Variants in MPO observed in about 807,000 individuals in gnomAD.
MPO encodes myeloperoxidase.
In MPO, 57 loss-of-function variants were observed where a neutral mutation model predicts 69.4. That is an observed-to-expected ratio of 0.82 (90% confidence interval 0.66 to 1.02). The LOEUF is 1.02. MPO is among the 50% of genes least tolerant of loss of function. MPO has a pLI of 0.00. For synonymous variants in MPO, 426 were observed against 417.1 expected (o/e 1.02, Z -0.26); for missense variants, 971 against 1,014.1 (o/e 0.96, Z 0.58).
In MPO at chr17:58,275,118, C is replaced by T. The variant is rs1371466884; in HGVS notation, c.1365+424G>A. The stretch of plus-strand genomic sequence containing the variant: ...GACCTCGTGATCCACCCGCCTCCGC[C>T]TCCCAAAGTGCTGGGATTACAGGCA... On this transcript the variant is annotated intron_variant, in intron 8 of 11. Transcript: ENST00000225275. This position sits in a 1 kb window ranked among gnomAD's most constrained non-coding sequence, Gnocchi z 4.1. Among the ~76,000 whole-genome samples, 8 of 152,164 alleles carry T rather than the reference C, an allele frequency of 5.3e-5. No homozygotes were observed. The highest frequency in any genetic ancestry group is 1.9e-4 in the African/African-American group (8 of 41,448).
chr17:58,272,854 T>C lies in MPO; in HGVS notation c.1686A>G (p.Gln562=), dbSNP rs761101621. ...GCTCCCGGATCTCATCCACTGCAAT[T>C]TGGTTCTGACGATTCAGCTTGGCAG... is the stretch of plus-strand genomic sequence containing the variant. ...ATPAKLNRQN[Q]IAVDEIRERL... is the part of the protein sequence containing the mutation. The change falls in exon 10 of 12, where the codon CAA becomes CAG. Residue 562 remains glutamine (Q), a synonymous_variant. Transcript: ENST00000225275. The C allele has an allele frequency of 6.2e-7, 1 of 1,614,164 alleles. No individual in the cohort carries two copies. The highest frequency in any genetic ancestry group is 8.5e-7 in the Non-Finnish European group (1 of 1,180,030).
Position 58,279,541 on chromosome 17 carries a change from G to T in MPO, c.530C>A (p.Thr177Asn). The change falls in exon 4 of 12, where the codon ACC becomes AAC. Residue 177 changes from threonine (T) to asparagine (N), a missense_variant. Coordinates refer to ENST00000225275, the MANE Select transcript of MPO (RefSeq NM_000250.2). ...GCCGCACCTGTTGTTGCACATCCCG[G>T]TGATGGTGCGGTATTTGTCCTGCTC... ...CPEQDKYRTI[T>N]GMCNNRRSPT... 1.2e-6 allele frequency: 2 copies of T among 1,614,120 alleles called. No individual in the cohort carries two copies. Among genetic ancestry groups the T allele is most frequent in the South Asian group, 2.2e-5 (2 of 91,078 alleles).
intron 6 of MPO, 70 bp downstream of exon 6, chr17:58,278,938 A>G: frequency 6.6e-7 from 1 of 1,510,160 alleles, no homozygotes; most frequent in Non-Finnish European, 8.9e-7. Context: ...TGGGCACAGA[A>G]GGGAGATGGC....
At position 58,279,936 on chromosome 17, in the gene MPO, G is replaced by A. The variant is rs1235984576; in HGVS notation, c.327C>T (p.Thr109=). The A allele has an allele frequency of 6.2e-7, 1 of 1,613,978 alleles. No homozygotes were observed. The highest frequency in any genetic ancestry group is 1.3e-5 in the African/African-American group (1 of 75,036). ...AGTCAGCGGCCCTCACCGCCGTCCT[G>A]GTGGCTGCCACCGGCTGCTTGAAGT... ...LSYFKQPVAA[T]RTAVRAADYL... Residue 109 remains threonine (T), a synonymous_variant, in exon 3 of 12, where the codon ACC becomes ACT. Transcript: ENST00000225275.
In MPO at chr17:58,280,800, C is replaced by T. The variant is rs1284742838; in HGVS notation, c.-42G>A. The T allele has an allele frequency of 1.1e-5, 17 of 1,611,550 alleles. No homozygotes were observed. The Admixed American group carries it at 2.8e-4, about 27-fold the overall frequency. ...TGCTCAATCCCCCTTTGTACCTCAG[C>T]CCCACCTCAGAGGGCCCTGTCTATG... On this transcript the variant is annotated 5_prime_UTR_variant, in exon 1 of 12. Coordinates refer to ENST00000225275, the MANE Select transcript of MPO (RefSeq NM_000250.2).
intron 9 of MPO, 119 bp downstream of exon 9, chr17:58,273,295 C>T (rs1249902116): frequency 3.4e-6 from 5 of 1,491,084 alleles, no homozygotes; most frequent in Admixed American, 3.4e-5. Flanking sequence ...AGAGTCAGAC[C>T]AGATCTCCAA....
intron 11 of MPO, 145 bp downstream of exon 11, chr17:58,271,510 A>T: frequency 1.2e-6 from 1 of 835,352 alleles, no homozygotes; most frequent in Non-Finnish European, 2.0e-6. Flanking sequence ...GGGGCACTCC[A>T]GGGCATCTGG....
rs1451370125 is a variant in MPO at position 58,279,068 on chromosome 17, G to A, written c.825C>T (p.Phe275=). The change falls in exon 6 of 12, where the codon TTC becomes TTT. Residue 275 remains phenylalanine (F), a synonymous_variant. Coordinates refer to ENST00000225275, the MANE Select transcript of MPO (RefSeq NM_000250.2). ...FTPEPAARAS[F]VTGVNCETSC... The stretch of plus-strand genomic sequence containing the variant: ...TGGTCTCGCAGTTGACGCCAGTGAC[G>A]AAGGAGGCCCGGGCGGCCGGCTCAG... 2.5e-6 allele frequency: 4 copies of A among 1,613,042 alleles called. No homozygotes were observed. The highest frequency in any genetic ancestry group is 1.7e-4 in the Middle Eastern group (1 of 6,056).
rs2143972260 is a variant in MPO at position 58,275,058 on chromosome 17, T to C, written c.1365+484A>G. Among the ~76,000 whole-genome samples, 1 of 151,634 alleles carries C rather than the reference T, an allele frequency of 6.6e-6. No homozygotes were observed. The highest frequency in any genetic ancestry group is 2.1e-4 in the South Asian group (1 of 4,796). Reference sequence around the variant, plus strand: ...TTTTGTATTTTTAGTAGAGATGGGGTTTCACCGTGTTAGCCAGCATGGTCT... The same window carrying C: ...TTTTGTATTTTTAGTAGAGATGGGGCTTCACCGTGTTAGCCAGCATGGTCT... On this transcript the variant is annotated intron_variant, in intron 8 of 11. Coordinates refer to ENST00000225275, the MANE Select transcript of MPO (RefSeq NM_000250.2). This position sits in a 1 kb window ranked among gnomAD's most constrained non-coding sequence, Gnocchi z 4.1.
Position 58,279,367 on chromosome 17 carries a change from T to G in MPO, c.608A>C (p.Tyr203Ser), listed in dbSNP as rs760201363. The stretch of plus-strand genomic sequence containing the variant: ...GTAGGGAAGAGAGAAGCCGTCCTCA[T>G]ACTCCGCCGGCAGCCAGCGCACAAA... Reference protein sequence around the residue: ...RAFVRWLPAEYEDGFSLPYGW... With the variant: ...RAFVRWLPAESEDGFSLPYGW... Residue 203 changes from tyrosine (Y) to serine (S), a missense_variant, in exon 5 of 12, where the codon TAT (tyrosine) becomes TCT (serine). Physicochemically the swap from Tyr to Ser is moderately radical, Grantham distance 144. Coordinates refer to ENST00000225275, the MANE Select transcript of MPO (RefSeq NM_000250.2). 2.1e-5 allele frequency: 33 copies of G among 1,595,306 alleles called. No homozygotes were observed. Among genetic ancestry groups the G allele is most frequent in the Non-Finnish European group, 2.6e-5 (30 of 1,171,170 alleles).
chr17:58,271,622 A>T (rs1598038887), intron 11 of MPO, 33 bp downstream of exon 11: 1 of 1,603,978 alleles, frequency 6.2e-7, no homozygotes, highest in Non-Finnish European at 8.5e-7. Flanking sequence ...GCCCACAGCC[A>T]CCCAGCGGCC....
At chr17:58,278,182 G>A (rs1970463734) in intron 6 of MPO, 37 bp from the exon 7 acceptor site, 9 of 1,596,004 alleles carry the variant, frequency 5.6e-6, no homozygotes, top group Non-Finnish European at 7.6e-6. Flanking sequence ...GCTCACCGAG[G>A]GCAAGGAAGG....
Position 58,272,890 on chromosome 17 carries a change from G to A in MPO, c.1650C>T (p.Leu550=), listed in dbSNP as rs1222698837. 17 of 1,614,034 alleles carry A rather than the reference G, an allele frequency of 1.1e-5. No homozygotes were observed. Among genetic ancestry groups the A allele is most frequent in the Non-Finnish European group, 1.3e-5 (15 of 1,180,052 alleles). Residue 550 remains leucine (L), a synonymous_variant, in exon 10 of 12, where the codon CTC becomes CTT. Transcript: ENST00000225275. ...GATTCAGCTTGGCAGGGGTGGCCAT[G>A]AGGCCCCGGAGGATGGGGTCAATGC... ...EGGIDPILRG[L]MATPAKLNRQ...
chr17:58,271,596 A>G (rs1270870013), intron 11 of MPO, 59 bp downstream of exon 11: 2 of 1,554,098 alleles, frequency 1.3e-6, no homozygotes, highest in South Asian at 1.1e-5. Context: ...TTGGGCTCCA[A>G]GAGAGTCAAG....
chr17:58,277,407 A>C lies in MPO; in HGVS notation c.1204+420T>G, dbSNP rs189779358. Among the ~76,000 whole-genome samples the C allele has an allele frequency of 9.2e-5, 14 of 152,334 alleles. No homozygotes were observed. In the East Asian group the frequency reaches 2.5e-3, roughly 27 times the overall value. On this transcript the variant is annotated intron_variant, in intron 7 of 11. Coordinates refer to ENST00000225275, the MANE Select transcript of MPO (RefSeq NM_000250.2). ...GGTTTATTTAATTTAAAATAACTAAAATTAAAATAGCCACATGCAGCTAGT... is the reference window on the plus strand; with the variant it reads ...GGTTTATTTAATTTAAAATAACTAACATTAAAATAGCCACATGCAGCTAGT...
Position 58,279,653 on chromosome 17 carries a change from G to C in MPO, c.425-7C>G, listed in dbSNP as rs1425700697. On this transcript the variant is annotated splice_polypyrimidine_tract_variant and splice_region_variant and intron_variant, in intron 3 of 11. Coordinates refer to ENST00000225275, the MANE Select transcript of MPO (RefSeq NM_000250.2). ...TGGGCGGGCGTCAGCACATCTGCCGGGGGAAAGAACAATGGGGGAGCTGAG... is the reference window on the plus strand; with the variant it reads ...TGGGCGGGCGTCAGCACATCTGCCGCGGGAAAGAACAATGGGGGAGCTGAG... 1 of 1,614,114 alleles carries C rather than the reference G, an allele frequency of 6.2e-7. No individual in the cohort carries two copies. The highest frequency in any genetic ancestry group is 8.5e-7 in the Non-Finnish European group (1 of 1,180,050).
In MPO at chr17:58,270,530, T is replaced by C; in HGVS notation, c.*126A>G. On this transcript the variant is annotated 3_prime_UTR_variant, in exon 12 of 12. Transcript: ENST00000225275. The surrounding 1 kb of genome is among the most constrained non-coding windows in gnomAD (Gnocchi z 4.1). The stretch of plus-strand genomic sequence containing the variant: ...ACATACATGAGCACACAAATGAACG[T>C]CTAGTCACTCATTTTCTCAGCTGCA... 1 of 802,968 alleles carries C rather than the reference T, an allele frequency of 1.2e-6. No individual in the cohort carries two copies. Among genetic ancestry groups the C allele is most frequent in the Non-Finnish European group, 2.1e-6 (1 of 467,580 alleles). 49.7% of individuals were successfully genotyped at this position (802,968 alleles called of 1,614,324 possible).
In MPO at chr17:58,277,983, C is replaced by T. The variant is rs1970460196; in HGVS notation, c.1048G>A (p.Ala350Thr). ...SMVYGSEEPLARNLRNMSNQL... is the reference protein window; with the variant it reads ...SMVYGSEEPLTRNLRNMSNQL... ...TTGGACATGTTGCGCAGGTTCCTGG[C>T]CAGGGGCTCCTCGCTGCCGTACACC... The change falls in exon 7 of 12, where the codon GCC (alanine) becomes ACC (threonine). Residue 350 changes from alanine to threonine, a missense_variant. Ala to Thr is a moderately conservative substitution (Grantham distance 58, BLOSUM62 0). Coordinates refer to ENST00000225275, the MANE Select transcript of MPO (RefSeq NM_000250.2). The T allele has an allele frequency of 3.1e-6, 5 of 1,613,834 alleles. No individual in the cohort carries two copies. Among genetic ancestry groups the T allele is most frequent in the Non-Finnish European group, 4.2e-6 (5 of 1,180,044 alleles).
rs28730838 is a variant in MPO at position 58,280,293 on chromosome 17, C to G, written c.248+73G>C. On this transcript the variant is annotated intron_variant, in intron 2 of 11. Coordinates refer to ENST00000225275, the MANE Select transcript of MPO (RefSeq NM_000250.2). ...AGTCCCCCTCTCCCACCTTCAAGCT[C>G]CCTGCTGCCTGCTGCTTCTCTGAAA... is the stretch of plus-strand genomic sequence containing the variant. 1,660 of 1,499,670 alleles carry G rather than the reference C, an allele frequency of 1.1e-3. 1 individual carries two copies. Among genetic ancestry groups the G allele is most frequent in the Non-Finnish European group, 1.5e-3 (1,571 of 1,078,300 alleles). 92.9% of individuals were successfully genotyped at this position (1,499,670 alleles called of 1,614,324 possible).
Sources: allele counts gnomAD v4.1 joint callset (sites outside exome capture counted in the v4.1 genomes callset), GRCh38; gene constraint gnomAD v4.1.1; non-coding constraint Gnocchi (gnomAD v3.1); transcripts MANE v1.5; gene names NCBI Gene and HGNC (gene_info 2026-07-23, HGNC 2026-07-21).